GABRG3: variants seen among roughly 807,000 people sequenced by gnomAD.
GABRG3 encodes gamma-aminobutyric acid type A receptor subunit gamma3, also known as gamma-aminobutyric acid receptor subunit gamma-3.
In GABRG3, 25 loss-of-function variants were observed where a neutral mutation model predicts 48.8. The ratio of observed to expected loss-of-function variants is 0.51; its 90% CI spans 0.37 to 0.72. GABRG3 has a LOEUF of 0.72. Among genes scored for constraint, GABRG3 ranks in the 30% least tolerant of loss-of-function variants. GABRG3 has a pLI of 0.00. For missense variants in GABRG3, 394 were observed against 577.9 expected (o/e 0.68, Z 3.26); for synonymous variants, 227 against 217.6 (o/e 1.04, Z -0.38).
chr15:27,293,379 C>T (rs1455585089), intron 3 of GABRG3, among the ~76,000 whole-genome samples: 2 of 151,994 alleles, frequency 1.3e-5, no homozygotes, highest in Admixed American at 6.6e-5. Flanking sequence ...GCAGAGAGAA[C>T]AATTAGAGGT....
intron 6 of GABRG3, among the ~76,000 whole-genome samples, chr15:27,516,427 C>T (rs890296961): frequency 3.3e-5 from 5 of 152,202 alleles, no homozygotes; most frequent in African/African-American, 4.8e-5. Context: ...TACCCGTCAA[C>T]CTATCTTTCT....
At chr15:27,511,054 C>A (rs1474997633) in intron 6 of GABRG3, among the ~76,000 whole-genome samples, 1 of 151,916 alleles carries the variant, frequency 6.6e-6, no homozygotes, top group Non-Finnish European at 1.5e-5. Flanking sequence ...TCTCTGGAAA[C>A]AATAGAATGC....
At chr15:27,160,074 T>A (rs922566950) in intron 3 of GABRG3, among the ~76,000 whole-genome samples, 1 of 152,182 alleles carries the variant, frequency 6.6e-6, no homozygotes, top group Non-Finnish European at 1.5e-5. Context: ...CTCCTGCTCT[T>A]TCCTGGGTGG....
chr15:27,261,659 T>G (rs1033470211), intron 3 of GABRG3, among the ~76,000 whole-genome samples: 1 of 152,070 alleles, frequency 6.6e-6, no homozygotes, highest in African/African-American at 2.4e-5. Flanking sequence ...GACATTTTTG[T>G]TGACAAAGAC....
At chr15:27,218,726 A>AG (rs1193067769) in intron 3 of GABRG3, among the ~76,000 whole-genome samples, 1 of 152,108 alleles carries the variant, frequency 6.6e-6, no homozygotes, top group Non-Finnish European at 1.5e-5. Context: ...CATATAAGGA[A>AG]ATGAGGTTTA....
Position 26,979,982 on chromosome 15 carries a change from TC to T in GABRG3, c.202+2833del, listed in dbSNP as rs143339640. Among the ~76,000 whole-genome samples, 539 of 152,354 alleles carry T rather than the reference TC, an allele frequency of 3.5e-3. 4 individuals carry two copies. The highest frequency in any genetic ancestry group is 0.012 in the African/African-American group (509 of 41,594). ...ACCCTCTGGGCCAGGAGATTTCTTT[TC>T]TGGGAGTTATTTCATTTCCTTAATA... On this transcript the variant is annotated intron_variant, in intron 2 of 9. Coordinates refer to ENST00000615808, the MANE Select transcript of GABRG3 (RefSeq NM_033223.5).
In GABRG3 at chr15:27,499,232, A is replaced by C. The variant is rs1455503634; in HGVS notation, c.712+18445A>C. ...TTCTAGGATATTGAAAACTCAGATCAATGAAGTGGTTCTTTGTTCTTATTC... is the reference window on the plus strand; with the variant it reads ...TTCTAGGATATTGAAAACTCAGATCCATGAAGTGGTTCTTTGTTCTTATTC... On this transcript the variant is annotated intron_variant, in intron 6 of 9. Transcript: ENST00000615808. Among the ~76,000 whole-genome samples the C allele has an allele frequency of 2.6e-5, 4 of 152,224 alleles. No homozygotes were observed. The East Asian group carries it at 7.7e-4, about 29-fold the overall frequency.
intron 3 of GABRG3, among the ~76,000 whole-genome samples, chr15:27,267,102 CTTTTTTT>C (rs57772496): frequency 8.9e-6 from 1 of 112,856 alleles, no homozygotes; most frequent in African/African-American, 3.3e-5. Flanking sequence ...TAGTCTTTTA[CTTTTTTT>C]TTTTTTTTTT....
At chr15:27,024,065 T>G (rs925743466) in intron 2 of GABRG3, among the ~76,000 whole-genome samples, 1 of 152,238 alleles carries the variant, frequency 6.6e-6, no homozygotes, top group African/African-American at 2.4e-5. Context: ...ATTTCCCTAA[T>G]AACTAATGAT....
At chr15:27,442,413 A>G (rs1230598742) in intron 5 of GABRG3, among the ~76,000 whole-genome samples, 5 of 152,248 alleles carry the variant, frequency 3.3e-5, no homozygotes, top group Admixed American at 2.0e-4. Flanking sequence ...AAGGAGTGAC[A>G]GAATACACTC....
Position 27,457,257 on chromosome 15 carries a change from G to A in GABRG3, c.575-23393G>A, listed in dbSNP as rs948509052. ...ACAGTGCAGGGCCGGCGGGGTGGTGGAGAGAAAGGAGGCATTTCCTTTCTA... is the reference window on the plus strand; with the variant it reads ...ACAGTGCAGGGCCGGCGGGGTGGTGAAGAGAAAGGAGGCATTTCCTTTCTA... On this transcript the variant is annotated intron_variant, in intron 5 of 9. Coordinates refer to ENST00000615808, the MANE Select transcript of GABRG3 (RefSeq NM_033223.5). This position sits in a 1 kb window ranked among gnomAD's most constrained non-coding sequence, Gnocchi z 4.4. Among the ~76,000 whole-genome samples, 4 of 152,204 alleles carry A rather than the reference G, an allele frequency of 2.6e-5. No homozygotes were observed. The highest frequency in any genetic ancestry group is 2.6e-4 in the Admixed American group (4 of 15,288).
intron 5 of GABRG3, among the ~76,000 whole-genome samples, chr15:27,391,757 T>A (rs1300073243): frequency 6.6e-6 from 1 of 152,260 alleles, no homozygotes; most frequent in Non-Finnish European, 1.5e-5. Context: ...ACCAGGCTTC[T>A]ATTTTCATGT....
intron 3 of GABRG3, among the ~76,000 whole-genome samples, chr15:27,067,204 A>G (rs571518914): frequency 5.5e-4 from 83 of 152,268 alleles, no homozygotes; most frequent in Non-Finnish European, 8.7e-4. Flanking sequence ...GTGGCACTCC[A>G]GGAGCCGAGT....
At chr15:27,307,183 A>C (rs1013627880) in intron 3 of GABRG3, among the ~76,000 whole-genome samples, 88 of 137,742 alleles carry the variant, frequency 6.4e-4, no homozygotes, top group African/African-American at 1.9e-3. Flanking sequence ...TAATATATAA[A>C]CATGTTTATA....
At chr15:27,398,667 C>A (rs1887389014) in intron 5 of GABRG3, among the ~76,000 whole-genome samples, 1 of 129,186 alleles carries the variant, frequency 7.7e-6, no homozygotes, top group South Asian at 3.5e-4. Flanking sequence ...CAAGCGCGCG[C>A]ACACACACAC....
At chr15:27,383,400 T>C (rs1490485616) in intron 5 of GABRG3, among the ~76,000 whole-genome samples, 1 of 152,214 alleles carries the variant, frequency 6.6e-6, no homozygotes, top group Non-Finnish European at 1.5e-5. Context: ...ATATGCCCCA[T>C]AGAAACTAGG....
At chr15:27,227,694 A>G (rs1283124561) in intron 3 of GABRG3, among the ~76,000 whole-genome samples, 2 of 152,038 alleles carry the variant, frequency 1.3e-5, no homozygotes, top group African/African-American at 2.4e-5. Flanking sequence ...AAAGAAAAAA[A>G]AAAGAAAACA....
chr15:27,205,728 A>C (rs1472064667), intron 3 of GABRG3, among the ~76,000 whole-genome samples: 2 of 144,570 alleles, frequency 1.4e-5, no homozygotes, highest in East Asian at 4.1e-4. Flanking sequence ...TTTTTTTTTT[A>C]TTACTGATTC....
intron 5 of GABRG3, among the ~76,000 whole-genome samples, chr15:27,411,295 T>G (rs1055187742): frequency 2.6e-5 from 4 of 152,254 alleles, no homozygotes; most frequent in Admixed American, 1.3e-4. Flanking sequence ...GAATGAGGTT[T>G]TCTGACAGAG....
Sources: allele counts gnomAD v4.1 joint callset (sites outside exome capture counted in the v4.1 genomes callset), GRCh38; gene constraint gnomAD v4.1.1; non-coding constraint Gnocchi (gnomAD v3.1); transcripts MANE v1.5; gene names NCBI Gene and HGNC (gene_info 2026-07-23, HGNC 2026-07-21).